SOD2: variants seen among roughly 807,000 people sequenced by gnomAD.
SOD2 encodes the protein superoxide dismutase [Mn], mitochondrial.
Under a neutral mutation model 27.0 loss-of-function variants are expected in SOD2, and 11 were observed. That is an observed-to-expected ratio of 0.41 (90% CI 0.26 to 0.67). The LOEUF (loss-of-function observed/expected upper bound fraction) is 0.67, where lower values mean the gene tolerates loss of function less well. SOD2 is among the 30% of genes least tolerant of loss of function. The pLI is 0.34. For synonymous variants in SOD2, 105 were observed against 103.0 expected, an observed-to-expected ratio of 1.02 and a Z score of -0.12; for missense variants, 250 against 274.5, an observed-to-expected ratio of 0.91 and a Z score of 0.63.
intron 2 of SOD2, chr6:159,691,568 C>T (rs1777192963): frequency 6.6e-6 from 1 of 152,140 alleles, no homozygotes; most frequent in Non-Finnish European, 1.5e-5. Context: ...AAAAACATGA[C>T]TATCGATTAT....
intron 1 of SOD2, among the ~76,000 whole-genome samples, chr6:159,706,483 A>G (rs1325919128): frequency 6.6e-6 from 1 of 152,208 alleles, no homozygotes; most frequent in Non-Finnish European, 1.5e-5. Flanking sequence ...CTCTGATAAA[A>G]CAGACTTTAA....
chr6:159,753,466 A>C (rs1476476699), intron 1 of SOD2: 2 of 1,614,212 alleles, frequency 1.2e-6, no homozygotes, highest in South Asian at 1.1e-5. Context: ...GCAGCCAAAC[A>C]GGGAAAAAGT....
chr6:159,755,760 CTTTTCTTT>C, intron 1 of SOD2: 4 of 281,888 alleles, frequency 1.4e-5, no homozygotes, highest in African/African-American at 5.3e-5. Context: ...TTTTTTTTTT[CTTTTCTTT>C]TTTTTTTTTT....
At chr6:159,712,317 ACACTGCTCTGATCACCC>A (rs1777818238) in intron 1 of SOD2, among the ~76,000 whole-genome samples, 1 of 146,484 alleles carries the variant, frequency 6.8e-6, no homozygotes, top group African/African-American at 2.6e-5. Flanking sequence ...ACCACCACTC[ACACTGCTCTGATCACCC>A]TAACCACCTC....
upstream of SOD2, among the ~76,000 whole-genome samples, chr6:159,697,896 T>C (rs1777453654): frequency 6.6e-6 from 1 of 152,178 alleles, no homozygotes; most frequent in African/African-American, 2.4e-5. Flanking sequence ...TCCCAACACT[T>C]TGGGAGGCCG....
At chr6:159,757,146 A>G (rs974782399) in intron 1 of SOD2, among the ~76,000 whole-genome samples, 1 of 152,236 alleles carries the variant, frequency 6.6e-6, no homozygotes, top group Non-Finnish European at 1.5e-5. Context: ...GTATAAAAGT[A>G]TGATATTGAA....
At chr6:159,740,842 C>T (rs111634335) in intron 1 of SOD2, among the ~76,000 whole-genome samples, 4 of 151,982 alleles carry the variant, frequency 2.6e-5, no homozygotes, top group South Asian at 2.1e-4. Flanking sequence ...GCTGGGACTA[C>T]GGGCATGCGC....
intron 1 of SOD2, among the ~76,000 whole-genome samples, chr6:159,710,907 T>C (rs4259273): frequency 0.033 from 2,950 of 89,576 alleles, 36 homozygotes; most frequent in East Asian, 0.061. Context: ...AACCACCACT[T>C]ACATTGCTCT....
chr6:159,727,689 C>T (rs796803487), upstream of SOD2: 40 of 985,122 alleles, frequency 4.1e-5, no homozygotes, highest in African/African-American at 5.4e-4. Context: ...GCCGGCGCGG[C>T]TTCTGCCTGG....
At chr6:159,761,518 G>A (rs1160602667) in exon 1 of SOD2, 2 of 456,114 alleles carry the variant, frequency 4.4e-6, no homozygotes, top group Non-Finnish European at 8.8e-6. Flanking sequence ...GGCGCCAGGA[G>A]AAACGCATAG....
chr6:159,707,447 C>G (rs945385496), intron 1 of SOD2, among the ~76,000 whole-genome samples: 2 of 152,138 alleles, frequency 1.3e-5, no homozygotes, highest in African/African-American at 4.8e-5. Flanking sequence ...CACCACCGAT[C>G]CCACAGAAAT....
chr6:159,733,164 A>G (rs1778692323), intron 1 of SOD2, among the ~76,000 whole-genome samples: 1 of 120,376 alleles, frequency 8.3e-6, no homozygotes, highest in Non-Finnish European at 2.0e-5. Flanking sequence ...GGGAGGAACC[A>G]ATTTAAAGAA....
At chr6:159,746,708 C>T (rs899426104), upstream of SOD2, among the ~76,000 whole-genome samples, 6 of 152,120 alleles carry the variant, frequency 3.9e-5, no homozygotes, top group Non-Finnish European at 1.5e-5. Flanking sequence ...CATTTTTGTT[C>T]ACCTCAGTGG....
chr6:159,737,738 C>T (rs975479777), intron 1 of SOD2, among the ~76,000 whole-genome samples: 2 of 152,120 alleles, frequency 1.3e-5, no homozygotes, highest in Admixed American at 6.5e-5. Flanking sequence ...GATATACTCC[C>T]GCCTCAGTCT....
At position 159,712,959 on chromosome 6, in the gene SOD2, C is replaced by A. The variant is rs1777857723; in HGVS notation, c.-116+14170G>T. The A allele has an allele frequency of 3.6e-5, 22 of 607,612 alleles. No homozygotes were observed. In the East Asian group the frequency reaches 5.9e-4, roughly 16 times the overall value. The allele number at this position is 607,612 out of a possible 1,614,324, so 37.6% of individuals were successfully genotyped here. A position where few individuals can be genotyped will look rare whatever the true frequency, so the allele number is the denominator to read the frequency against. On this transcript the variant is annotated intron_variant, in intron 1 of 2. Coordinates refer to the SOD2 transcript ENST00000401980. ...TACCTGTGCTGCATATTAGCTTTGT[C>A]TTTTGCCATAGCTGCCACTGCATCT...
chr6:159,720,651 A>G (rs1206618617), intron 1 of SOD2: 2 of 152,126 alleles, frequency 1.3e-5, no homozygotes, highest in African/African-American at 2.4e-5. Context: ...CTCAATAACT[A>G]TTTATTGCTT....
intron 1 of SOD2, among the ~76,000 whole-genome samples, chr6:159,704,506 G>A (rs1407014777): frequency 6.6e-6 from 1 of 152,338 alleles, no homozygotes; most frequent in Admixed American, 6.5e-5. Context: ...AGGGTGCCAC[G>A]CCCATGGAGC....
exon 1 of SOD2, chr6:159,761,972 GGA>G: frequency 3.3e-6 from 4 of 1,208,060 alleles, no homozygotes; most frequent in African/African-American, 3.0e-5. Context: ...GCGGGGAGGT[GGA>G]GGGCGAGGGG....
intron 1 of SOD2, among the ~76,000 whole-genome samples, chr6:159,725,412 C>G (rs376874400): frequency 6.8e-6 from 1 of 147,216 alleles, no homozygotes; most frequent in Non-Finnish European, 1.5e-5. Context: ...ACCCAGGAGA[C>G]AGAGGTTGCA....
Sources: allele counts gnomAD v4.1 joint callset (sites outside exome capture counted in the v4.1 genomes callset), GRCh38; gene constraint gnomAD v4.1.1; transcripts MANE v1.5; gene names NCBI Gene and HGNC (gene_info 2026-07-23, HGNC 2026-07-21).